ASTN1: variants seen among roughly 807,000 people sequenced by gnomAD.
ASTN1 encodes astrotactin-1.
A neutral mutation model predicts 140.7 loss-of-function variants in ASTN1; 41 were observed. The ratio of observed to expected loss-of-function variants is 0.29; its 90% CI spans 0.23 to 0.38. The LOEUF (loss-of-function observed/expected upper bound fraction) is 0.38, where lower values mean the gene tolerates loss of function less well. Among genes scored for constraint, ASTN1 ranks in the 10% least tolerant of loss-of-function variants. The pLI is 1.00. For synonymous variants in ASTN1, 640 were observed against 652.2 expected (o/e 0.98, Z 0.29); for missense variants, 1,479 against 1,678.8 (o/e 0.88, Z 2.08).
chr1:176,882,118 G>A (rs1344478766), intron 20 of ASTN1, among the ~76,000 whole-genome samples: 1 of 152,134 alleles, frequency 6.6e-6, no homozygotes, highest in Admixed American at 6.5e-5. Flanking sequence ...CAGAGCACAG[G>A]GAGAAATGGG....
At chr1:177,132,185 G>T (rs1398528153) in intron 1 of ASTN1, among the ~76,000 whole-genome samples, 1 of 152,158 alleles carries the variant, frequency 6.6e-6, no homozygotes, top group Non-Finnish European at 1.5e-5. Context: ...ATTGAAGGAG[G>T]TGAGGAAAGT....
At chr1:176,929,729 C>A (rs1671121727) in intron 16 of ASTN1, among the ~76,000 whole-genome samples, 1 of 152,202 alleles carries the variant, frequency 6.6e-6, no homozygotes, top group Non-Finnish European at 1.5e-5. Context: ...TGATAACAGA[C>A]CGGGCACGGT....
At chr1:176,942,775 G>A (rs1354029946) in intron 14 of ASTN1, among the ~76,000 whole-genome samples, 1 of 135,200 alleles carries the variant, frequency 7.4e-6, no homozygotes, top group East Asian at 2.3e-4. Flanking sequence ...TTTGCTTCCA[G>A]TTGTCCCACC....
chr1:177,122,094 G>A (rs577907676), intron 1 of ASTN1, among the ~76,000 whole-genome samples: 5 of 152,300 alleles, frequency 3.3e-5, no homozygotes, highest in Middle Eastern at 3.4e-3. Flanking sequence ...AAAAGAGATC[G>A]ATGGGGACCC....
intron 1 of ASTN1, among the ~76,000 whole-genome samples, chr1:177,103,428 G>C (rs2102135439): frequency 6.6e-6 from 1 of 152,248 alleles, no homozygotes; most frequent in East Asian, 1.9e-4. Flanking sequence ...GGATTAGCAG[G>C]ATAGGGCACT....
chr1:176,965,908 G>A (rs1464735472), intron 8 of ASTN1, among the ~76,000 whole-genome samples: 1 of 148,754 alleles, frequency 6.7e-6, no homozygotes, highest in Non-Finnish European at 1.5e-5. Context: ...AATCGTGTTT[G>A]CAAATATTTC....
At chr1:176,919,622 A>G (rs151035885) in intron 16 of ASTN1, among the ~76,000 whole-genome samples, 12 of 152,358 alleles carry the variant, frequency 7.9e-5, no homozygotes, top group Non-Finnish European at 1.8e-4. Context: ...ACAAGTAGAG[A>G]CAGAGTCCCT....
At chr1:177,087,011 C>A (rs1197300598) in intron 1 of ASTN1, among the ~76,000 whole-genome samples, 1 of 151,536 alleles carries the variant, frequency 6.6e-6, no homozygotes, top group Non-Finnish European at 1.5e-5. Flanking sequence ...TATTCTCAAA[C>A]TTTTTTTTTA....
intron 8 of ASTN1, among the ~76,000 whole-genome samples, chr1:176,966,106 G>C (rs1175679063): frequency 6.6e-6 from 1 of 152,140 alleles, no homozygotes; most frequent in Non-Finnish European, 1.5e-5. Flanking sequence ...CACACTAGGT[G>C]GATTTAGCCC....
chr1:177,147,989 G>A (rs1362952723), intron 1 of ASTN1, among the ~76,000 whole-genome samples: 1 of 152,152 alleles, frequency 6.6e-6, no homozygotes, highest in Non-Finnish European at 1.5e-5. Context: ...CACACCCAGA[G>A]ATCAAAGTCA....
chr1:176,892,498 C>A (rs532780264), intron 17 of ASTN1, among the ~76,000 whole-genome samples: 2 of 152,188 alleles, frequency 1.3e-5, no homozygotes, highest in Admixed American at 6.5e-5. Flanking sequence ...GAATATAGTG[C>A]CATTCACTGG....
In ASTN1 at chr1:176,917,340, G is replaced by T. The variant is rs75504459; in HGVS notation, c.2671+16812C>A. ...GGAATGGAACGCTTCCCAGGGTGGG[G>T]TGGCACGGTGAGAACTGGGCAGAGT... is the stretch of plus-strand genomic sequence containing the variant. On this transcript the variant is annotated intron_variant, in intron 16 of 22. Coordinates refer to ENST00000361833, the MANE Select transcript of ASTN1 (RefSeq NM_004319.3). Among the ~76,000 whole-genome samples the T allele has an allele frequency of 2.7e-4, 41 of 152,336 alleles. No homozygotes were observed. The East Asian group carries it at 7.7e-3, about 29-fold the overall frequency.
chr1:176,933,495 A>G (rs1671294910), intron 16 of ASTN1, among the ~76,000 whole-genome samples: 1 of 152,178 alleles, frequency 6.6e-6, no homozygotes, highest in Non-Finnish European at 1.5e-5. Flanking sequence ...ATACAAATAT[A>G]CTGGCCACTA....
intron 1 of ASTN1, among the ~76,000 whole-genome samples, chr1:177,121,770 T>C (rs1210487260): frequency 1.3e-5 from 2 of 152,108 alleles, no homozygotes; most frequent in Admixed American, 6.5e-5. Flanking sequence ...ATGGAGTATA[T>C]TCCCCAGGTC....
At chr1:176,981,651 AG>A (rs1673626283) in intron 8 of ASTN1, 1 of 152,526 alleles carries the variant, frequency 6.6e-6, no homozygotes, top group African/African-American at 2.4e-5. Flanking sequence ...ATATTGAGGG[AG>A]TAGAGCAATC....
chr1:176,976,175 T>A (rs56759096), intron 8 of ASTN1: 1 of 152,198 alleles, frequency 6.6e-6, no homozygotes, highest in African/African-American at 2.4e-5. Context: ...AACAGTTCCA[T>A]GAAAACAGTA....
At position 176,864,188 on chromosome 1, in the gene ASTN1, G is replaced by A. The variant is rs1668055970; in HGVS notation, c.*96C>T. On this transcript the variant is annotated 3_prime_UTR_variant, in exon 23 of 23. Coordinates refer to ENST00000361833, the MANE Select transcript of ASTN1 (RefSeq NM_004319.3). ...TCGATGTTGCTGTGGAGGTTTTCATGTTCCATTAAAAAATATTAAAAATCC... is the reference window on the plus strand; with the variant it reads ...TCGATGTTGCTGTGGAGGTTTTCATATTCCATTAAAAAATATTAAAAATCC... 6.6e-7 allele frequency: 1 copy of A among 1,514,550 alleles called. No homozygotes were observed. The allele number at this position is 1,514,550 out of a possible 1,614,324, so 93.8% of individuals were successfully genotyped here. A position where few individuals can be genotyped will look rare whatever the true frequency, so the allele number is the denominator to read the frequency against.
rs144671485 is a variant in ASTN1 at position 176,901,742 on chromosome 1, C to A, written c.2672-6912G>T. Among the ~76,000 whole-genome samples the A allele has an allele frequency of 6.0e-3, 917 of 152,276 alleles. 9 individuals are homozygous for A. The highest frequency in any genetic ancestry group is 0.021 in the African/African-American group (867 of 41,550). On this transcript the variant is annotated intron_variant, in intron 16 of 22. Transcript: ENST00000361833. ...TCCCAGTCTCCAGCCTCACATTCAG[C>A]TACTCATCAACTCAGAGTAAACACA...
chr1:177,120,455 A>T (rs1301172987), intron 1 of ASTN1, among the ~76,000 whole-genome samples: 1 of 152,172 alleles, frequency 6.6e-6, no homozygotes, highest in Non-Finnish European at 1.5e-5. Flanking sequence ...AAAGCTAAAA[A>T]TCCAAGGCAA....
Sources: gnomAD v4.1 joint callset for allele counts (sites outside exome capture counted in the v4.1 genomes callset) on GRCh38, gnomAD v4.1.1 for gene constraint, MANE v1.5 for transcripts, NCBI Gene and HGNC (gene_info 2026-07-23, HGNC 2026-07-21) for gene names.